Variants in OCA2 observed in about 807,000 individuals in gnomAD.
The protein encoded by OCA2 is OCA2 melanosomal transmembrane protein.
OCA2 carries 77 observed loss-of-function variants against 100.2 expected under a neutral mutation model. The ratio of observed to expected loss-of-function variants is 0.77; its 90% CI spans 0.64 to 0.93. OCA2 has a LOEUF of 0.93. Ranked by LOEUF, OCA2 falls within the 40% of genes least tolerant of loss-of-function variation. The pLI is 0.00. For missense variants in OCA2, 1,062 were observed against 1,089.1 expected, an observed-to-expected ratio of 0.98 and a Z score of 0.35; for synonymous variants, 432 against 439.2, an observed-to-expected ratio of 0.98 and a Z score of 0.21.
chr15:27,832,711 C>T (rs2035008048), intron 23 of OCA2, among the ~76,000 whole-genome samples: 2 of 152,210 alleles, frequency 1.3e-5, no homozygotes, highest in South Asian at 2.1e-4. Context: ...TTCATCACTG[C>T]GCCACTGAGG....
rs1157406098 is a variant in OCA2, at chr15:27,913,898, AGCAAGCAAGCAAGCAAGC to A, written c.2079+12211_2079+12228del. The stretch of plus-strand genomic sequence containing the variant: ...AAGAAAGAAAGAAAGAAAGAAAGCA[AGCAAGCAAGCAAGCAAGC>A]AAGCAAGCAAGCAAGAAAGAAAGAA... On this transcript the variant is annotated intron_variant, in intron 19 of 23. Transcript: ENST00000354638. Among the ~76,000 whole-genome samples, 29 of 39,940 alleles carry A rather than the reference AGCAAGCAAGCAAGCAAGC, an allele frequency of 7.3e-4. 1 individual carries two copies. The highest frequency in any genetic ancestry group is 3.3e-3 in the African/African-American group (21 of 6,416). 26.2% of individuals were successfully genotyped at this position (39,940 alleles called of 152,430 possible). A position where few individuals can be genotyped will look rare whatever the true frequency, so the allele number is the denominator to read the frequency against.
At chr15:27,782,252 A>C (rs1473032410) in intron 23 of OCA2, among the ~76,000 whole-genome samples, 1 of 152,242 alleles carries the variant, frequency 6.6e-6, no homozygotes, top group Admixed American at 6.5e-5. Flanking sequence ...CCAGCCCCAG[A>C]TAGAGCAACC....
intron 6 of OCA2, among the ~76,000 whole-genome samples, chr15:28,019,310 A>G (rs913241448): frequency 6.6e-6 from 1 of 151,724 alleles, no homozygotes; most frequent in Non-Finnish European, 1.5e-5. Context: ...AAAGAAGAGC[A>G]GGAAGGGAGG....
chr15:27,771,652 A>G (rs2031876379), intron 23 of OCA2, among the ~76,000 whole-genome samples: 1 of 152,230 alleles, frequency 6.6e-6, no homozygotes, highest in Non-Finnish European at 1.5e-5. Context: ...GAATTTTAAT[A>G]ATACATGTTT....
chr15:28,070,549 GC>G (rs1429376532), intron 2 of OCA2, among the ~76,000 whole-genome samples: 4 of 143,764 alleles, frequency 2.8e-5, no homozygotes, highest in South Asian at 2.3e-4. Flanking sequence ...GGGGGGGTCA[GC>G]CCTCCGCCCG....
At position 27,856,042 on chromosome 15, in the gene OCA2, G is replaced by A. The variant is rs115809996; in HGVS notation, c.2245-4567C>T. Among the ~76,000 whole-genome samples the A allele has an allele frequency of 7.3e-3, 1,119 of 152,268 alleles. 18 individuals are homozygous for A. Among genetic ancestry groups the A allele is most frequent in the African/African-American group, 0.025 (1,050 of 41,544 alleles). On this transcript the variant is annotated intron_variant, in intron 21 of 23. Coordinates refer to ENST00000354638, the MANE Select transcript of OCA2 (RefSeq NM_000275.3). ...GGCTGTGCTCTCTGATGGCTCTAGG[G>A]GAGGGTCCTTCCTTGCCCCACTGGT... is the stretch of plus-strand genomic sequence containing the variant.
At chr15:27,962,577 G>A (rs968763121) in intron 15 of OCA2, among the ~76,000 whole-genome samples, 4 of 152,146 alleles carry the variant, frequency 2.6e-5, no homozygotes, top group Admixed American at 2.0e-4. Flanking sequence ...CTAGTGTTAA[G>A]TTCTTCTACT....
the OCA2 span, among the ~76,000 whole-genome samples, chr15:27,734,315 A>C: frequency 6.7e-6 from 1 of 148,172 alleles, no homozygotes; most frequent in African/African-American, 2.5e-5. Context: ...AAAATGAGAG[A>C]TCATGATACC....
chr15:27,941,415 T>C (rs2039641493), intron 18 of OCA2, among the ~76,000 whole-genome samples: 1 of 152,170 alleles, frequency 6.6e-6, no homozygotes, highest in African/African-American at 2.4e-5. Flanking sequence ...AATCTCGCAG[T>C]CTTACTGTTA....
In OCA2 at chr15:27,928,662, G is replaced by A. The variant is rs2039134993; in HGVS notation, c.1952-2408C>T. ...TTTCCTTACTGGCTGTCACCCAAAA[G>A]CTGTGCTGAGCTTCCAGAGGCACCC... On this transcript the variant is annotated intron_variant, in intron 18 of 23. Transcript: ENST00000354638. Among the ~76,000 whole-genome samples, 3 of 152,136 alleles carry A rather than the reference G, an allele frequency of 2.0e-5. No homozygotes were observed. The South Asian group carries it at 6.2e-4, about 31-fold the overall frequency.
chr15:27,813,247 G>A (rs1374738854), intron 23 of OCA2, among the ~76,000 whole-genome samples: 2 of 152,072 alleles, frequency 1.3e-5, no homozygotes, highest in Non-Finnish European at 2.9e-5. Flanking sequence ...TGAGAAATGG[G>A]GTGCAGGCTC....
intron 23 of OCA2, among the ~76,000 whole-genome samples, chr15:27,789,219 A>C (rs1189499905): frequency 2.1e-5 from 1 of 47,454 alleles, no homozygotes; most frequent in Non-Finnish European, 3.9e-5. Flanking sequence ...GGGCGGGGGG[A>C]GGGTTGGATT....
chr15:27,836,205 C>T (rs928799523), intron 23 of OCA2, among the ~76,000 whole-genome samples: 4 of 152,128 alleles, frequency 2.6e-5, no homozygotes, highest in African/African-American at 4.8e-5. Context: ...GATTTTACGT[C>T]GAGGTGCAAA....
intron 2 of OCA2, among the ~76,000 whole-genome samples, chr15:28,053,235 GT>G (rs1223157587): frequency 2.7e-5 from 4 of 150,024 alleles, no homozygotes; most frequent in Non-Finnish European, 5.9e-5. Context: ...CACACACATG[GT>G]GTGTATCTCC....
At chr15:27,815,193 G>A (rs547834401) in intron 23 of OCA2, among the ~76,000 whole-genome samples, 68 of 152,210 alleles carry the variant, frequency 4.5e-4, no homozygotes, top group Middle Eastern at 3.4e-3. Context: ...CTTCCCATTC[G>A]CCGCAATGCC....
chr15:27,965,514 T>C (rs1229705148), intron 15 of OCA2, among the ~76,000 whole-genome samples: 4 of 152,198 alleles, frequency 2.6e-5, no homozygotes, highest in African/African-American at 9.7e-5. Context: ...AGATCTGTCT[T>C]GGACAGTCAG....
intron 9 of OCA2, among the ~76,000 whole-genome samples, chr15:28,000,037 T>C (rs1242720967): frequency 6.6e-6 from 1 of 152,192 alleles, no homozygotes; most frequent in Non-Finnish European, 1.5e-5. Flanking sequence ...TGTCCATAAC[T>C]ACTCAAAGCA....
chr15:28,078,480 C>T (rs1272388168), intron 2 of OCA2, among the ~76,000 whole-genome samples: 2 of 152,214 alleles, frequency 1.3e-5, no homozygotes, highest in Non-Finnish European at 2.9e-5. Context: ...AAGACTATCC[C>T]TTGTGCCTGC....
At chr15:28,025,533 C>T (rs1234383637) in intron 4 of OCA2, among the ~76,000 whole-genome samples, 1 of 152,240 alleles carries the variant, frequency 6.6e-6, no homozygotes, top group Non-Finnish European at 1.5e-5. Context: ...GGCCTGCACT[C>T]TGCTGCCCTT....
Sources: allele counts gnomAD v4.1 joint callset (sites outside exome capture counted in the v4.1 genomes callset), GRCh38; gene constraint gnomAD v4.1.1; transcripts MANE v1.5; gene names NCBI Gene and HGNC (gene_info 2026-07-23, HGNC 2026-07-21).